Variants in MAGI1 observed in about 807,000 individuals in gnomAD.
The protein encoded by MAGI1 is membrane-associated guanylate kinase, WW and PDZ domain-containing protein 1.
MAGI1 carries 58 observed loss-of-function variants against 139.9 expected under a neutral mutation model. The ratio of observed to expected loss-of-function variants is 0.41; its 90% CI spans 0.34 to 0.52. MAGI1 has a LOEUF of 0.52. Ranked by LOEUF, MAGI1 falls within the 20% of genes least tolerant of loss-of-function variation. The probability of loss-of-function intolerance (pLI) is 0.12; values close to 1 mark genes in which losing one functional copy is unlikely to be tolerated. For synonymous variants in MAGI1, 812 were observed against 737.9 expected (o/e 1.10, Z -1.63); for missense variants, 1,874 against 1,901.6 (o/e 0.99, Z 0.27).
At chr3:65,432,117 C>G (rs767500756) in intron 10 of MAGI1, among the ~76,000 whole-genome samples, 10 of 152,092 alleles carry the variant, frequency 6.6e-5, no homozygotes, top group Non-Finnish European at 1.2e-4. Flanking sequence ...TGAACATAAA[C>G]CAAAACGTTT....
intron 12 of MAGI1, among the ~76,000 whole-genome samples, chr3:65,405,211 A>G (rs1463058880): frequency 6.6e-6 from 1 of 152,158 alleles, no homozygotes; most frequent in Non-Finnish European, 1.5e-5. Flanking sequence ...TCTCTATTAA[A>G]ATGGTGTCAT....
At chr3:65,381,336 A>T (rs1943032574) in intron 16 of MAGI1, among the ~76,000 whole-genome samples, 1 of 152,154 alleles carries the variant, frequency 6.6e-6, no homozygotes, top group South Asian at 2.1e-4. Context: ...TAGTATTTTG[A>T]GAATTAAAGT....
intron 1 of MAGI1, among the ~76,000 whole-genome samples, chr3:65,880,821 T>C (rs780183175): frequency 9.2e-5 from 14 of 152,150 alleles, no homozygotes; most frequent in Non-Finnish European, 1.8e-4. Flanking sequence ...AAGAGAAAGA[T>C]ACTACTGTTG....
chr3:65,801,135 G>C (rs58270512), intron 1 of MAGI1, among the ~76,000 whole-genome samples: 46,595 of 152,010 alleles, frequency 0.31, 7,463 homozygotes, highest in East Asian at 0.46. Context: ...CTCTTCTTGG[G>C]CAACACAGAT....
chr3:65,406,220 A>G (rs774110704), intron 12 of MAGI1, among the ~76,000 whole-genome samples: 5 of 151,952 alleles, frequency 3.3e-5, no homozygotes, highest in Non-Finnish European at 5.9e-5. Flanking sequence ...AAATGTAAAT[A>G]CGGAAGAAGT....
chr3:65,367,485 T>G (rs1259686931), intron 18 of MAGI1, among the ~76,000 whole-genome samples: 2 of 152,188 alleles, frequency 1.3e-5, no homozygotes, highest in African/African-American at 2.4e-5. Context: ...AAATGTCGAT[T>G]TGACCTTGCT....
At chr3:65,509,001 C>T (rs1018967829) in intron 2 of MAGI1, among the ~76,000 whole-genome samples, 1 of 152,154 alleles carries the variant, frequency 6.6e-6, no homozygotes, top group Non-Finnish European at 1.5e-5. Context: ...CCTGGTGATA[C>T]GATGCATGAT....
At chr3:65,700,390 A>G (rs1272328172) in intron 1 of MAGI1, among the ~76,000 whole-genome samples, 1 of 152,078 alleles carries the variant, frequency 6.6e-6, no homozygotes, top group Admixed American at 6.5e-5. Flanking sequence ...GGAGGTCACA[A>G]TGAGTGGAGA....
At chr3:65,990,153 G>C (rs1033418998) in intron 1 of MAGI1, among the ~76,000 whole-genome samples, 2 of 152,100 alleles carry the variant, frequency 1.3e-5, no homozygotes, top group Admixed American at 1.3e-4. Context: ...AGACCTGAGT[G>C]AGATTAACGT....
At chr3:65,867,473 G>A (rs746182500) in intron 1 of MAGI1, among the ~76,000 whole-genome samples, 10 of 152,138 alleles carry the variant, frequency 6.6e-5, no homozygotes, top group African/African-American at 2.2e-4. Flanking sequence ...GGTGGCTCAC[G>A]CCTGTAATCC....
chr3:65,671,013 T>C (rs752430731), intron 1 of MAGI1, among the ~76,000 whole-genome samples: 9 of 152,218 alleles, frequency 5.9e-5, no homozygotes, highest in Non-Finnish European at 8.8e-5. Context: ...TGTAATGATG[T>C]TAATATTTAT....
At chr3:65,541,033 T>C (rs972820064) in intron 2 of MAGI1, among the ~76,000 whole-genome samples, 6 of 152,178 alleles carry the variant, frequency 3.9e-5, no homozygotes, top group Admixed American at 6.5e-5. Flanking sequence ...TGAAAAGATA[T>C]ATTCTTTCCA....
At chr3:65,998,474 A>G (rs1174537906) in intron 1 of MAGI1, among the ~76,000 whole-genome samples, 2 of 152,220 alleles carry the variant, frequency 1.3e-5, no homozygotes, top group Non-Finnish European at 2.9e-5. Context: ...AGCACTTGCA[A>G]AAACCCATTA....
In MAGI1 at chr3:65,524,739, G is replaced by A. The variant is rs1390868843; in HGVS notation, c.431-31108C>T. Among the ~76,000 whole-genome samples the A allele has an allele frequency of 5.3e-5, 8 of 152,126 alleles. No individual in the cohort carries two copies. In the East Asian group the frequency reaches 1.5e-3, roughly 29 times the overall value. ...GGCTGAATGATAGATCGCAACAGGT[G>A]GATATCTGATACATCAGGCCATGCA... On this transcript the variant is annotated intron_variant, in intron 2 of 22. Coordinates refer to ENST00000402939, the MANE Select transcript of MAGI1 (RefSeq NM_001033057.2).
chr3:65,630,507 T>C (rs2084232313), intron 1 of MAGI1, among the ~76,000 whole-genome samples: 1 of 152,124 alleles, frequency 6.6e-6, no homozygotes, highest in South Asian at 2.1e-4. Context: ...AAAAATGTGA[T>C]ATCTATACAC....
intron 1 of MAGI1, among the ~76,000 whole-genome samples, chr3:65,908,002 C>G (rs996558746): frequency 4.6e-5 from 7 of 152,090 alleles, no homozygotes; most frequent in African/African-American, 1.7e-4. Context: ...GAAATTCTTA[C>G]GATTCATGGA....
Position 65,966,643 on chromosome 3 carries a change from C to T in MAGI1, c.313+71353G>A, listed in dbSNP as rs116654441. 1.1e-3 allele frequency among the ~76,000 whole-genome samples: 160 copies of T among 152,182 alleles called. 1 individual carries two copies. Among genetic ancestry groups the T allele is most frequent in the African/African-American group, 3.8e-3 (157 of 41,530 alleles). On this transcript the variant is annotated intron_variant, in intron 1 of 22. Coordinates refer to ENST00000402939, the MANE Select transcript of MAGI1 (RefSeq NM_001033057.2). ...GGGAGAGTGGGGGCGCGGCCAAAGC[C>T]TAGAGATTATGGCCATAGAAATAAA...
chr3:65,378,840 C>T (rs1942793849), intron 17 of MAGI1, among the ~76,000 whole-genome samples: 1 of 152,094 alleles, frequency 6.6e-6, no homozygotes, highest in Non-Finnish European at 1.5e-5. Flanking sequence ...CACTACCACG[C>T]CCAGCTACTT....
At chr3:65,828,457 T>G (rs1221655702) in intron 1 of MAGI1, among the ~76,000 whole-genome samples, 2 of 152,206 alleles carry the variant, frequency 1.3e-5, no homozygotes, top group Admixed American at 1.3e-4. Context: ...ATGTATTCTT[T>G]AAACAGCCCC....
Sources: allele counts gnomAD v4.1 joint callset (sites outside exome capture counted in the v4.1 genomes callset), GRCh38; gene constraint gnomAD v4.1.1; transcripts MANE v1.5; gene names NCBI Gene and HGNC (gene_info 2026-07-23, HGNC 2026-07-21).